The following AVL9 variants were observed in gnomAD, a reference collection of about 807,000 sequenced individuals.
The protein encoded by AVL9 is late secretory pathway protein AVL9 homolog.
Under a neutral mutation model 79.2 loss-of-function variants are expected in AVL9, and 49 were observed. The ratio of observed to expected loss-of-function variants is 0.62; its 90% confidence interval spans 0.49 to 0.79. The LOEUF (loss-of-function observed/expected upper bound fraction) is 0.79. Ranked by LOEUF, AVL9 falls within the 30% of genes least tolerant of loss-of-function variation. The probability of loss-of-function intolerance (pLI) is 0.00; values close to 1 mark genes in which losing one functional copy is unlikely to be tolerated. For synonymous variants in AVL9, 299 were observed against 280.6 expected, an observed-to-expected ratio of 1.07 and a Z score of -0.65; for missense variants, 682 against 776.8, an observed-to-expected ratio of 0.88 and a Z score of 1.45.
intron 1 of AVL9, among the ~76,000 whole-genome samples, chr7:32,515,853 C>T (rs1787882085): frequency 6.6e-6 from 1 of 152,028 alleles, no homozygotes; most frequent in South Asian, 2.1e-4. Context: ...AACAAGGCCT[C>T]TCTGAATTAG....
chr7:32,499,286 T>C (rs1787011359), intron 1 of AVL9, among the ~76,000 whole-genome samples: 1 of 152,094 alleles, frequency 6.6e-6, no homozygotes, highest in South Asian at 2.1e-4. Flanking sequence ...TTTGTTCCAA[T>C]ATATAAATTA....
chr7:32,507,788 A>C (rs1201585728), intron 1 of AVL9, among the ~76,000 whole-genome samples: 3 of 152,222 alleles, frequency 2.0e-5, no homozygotes, highest in Non-Finnish European at 4.4e-5. Flanking sequence ...ATTATAGGGA[A>C]TACCTGTCTT....
At chr7:32,576,659 G>T (rs540647288) in intron 13 of AVL9, among the ~76,000 whole-genome samples, 1 of 152,058 alleles carries the variant, frequency 6.6e-6, no homozygotes, top group Non-Finnish European at 1.5e-5. Context: ...GGTAGTGGGC[G>T]CCTGTAATCC....
intron 4 of AVL9, 40 bp downstream of exon 4, chr7:32,548,958 A>T: frequency 7.5e-7 from 1 of 1,339,464 alleles, no homozygotes. Context: ...TTAAACCTTC[A>T]TGGCAGATCT....
At position 32,587,248 on chromosome 7, in the gene AVL9, AG is replaced by A. The variant is rs1791839603; in HGVS notation, c.*3342del. The A allele has an allele frequency of 6.6e-6, 1 of 152,202 alleles. No individual in the cohort carries two copies. 9.4% of individuals were successfully genotyped at this position (152,202 alleles called of 1,614,324 possible). A position where few individuals can be genotyped will look rare whatever the true frequency, so the allele number is the denominator to read the frequency against. ...ACAAGATGCTTAAAATCTGAATGGA[AG>A]TATTTTGAGAGCAGTATTTCATGTG... On this transcript the variant is annotated 3_prime_UTR_variant, in exon 16 of 16. Transcript: ENST00000318709.
intron 15 of AVL9, chr7:32,581,412 A>C (rs1345152753): frequency 6.6e-6 from 1 of 152,508 alleles, no homozygotes; most frequent in Non-Finnish European, 1.5e-5. Flanking sequence ...AACAGAAAAT[A>C]GGGGAATATT....
At chr7:32,520,522 A>G (rs1788094976) in intron 1 of AVL9, among the ~76,000 whole-genome samples, 1 of 152,308 alleles carries the variant, frequency 6.6e-6, no homozygotes, top group South Asian at 2.1e-4. Context: ...GTCTGTTGTA[A>G]GGTCTATTTG....
chr7:32,584,774 TTGGGGGGGG>T lies in AVL9; in HGVS notation c.*868_*876del, dbSNP rs1562806609. 1 of 590 alleles carries T rather than the reference TTGGGGGGGG, an allele frequency of 1.7e-3. No homozygotes were observed. The highest frequency in any genetic ancestry group is 5.2e-3 in the African/African-American group (1 of 194). The allele number at this position is 590 out of a possible 1,614,324, so 0.0% of individuals were successfully genotyped here. ...GTGCCATCTGTTTCTCTTTTTTTTTTTGGGGGGGGGGGGGGGGCGGGGTCTCACTCTATC... is the reference window on the plus strand; with the variant it reads ...GTGCCATCTGTTTCTCTTTTTTTTTTGGGGGGGGCGGGGTCTCACTCTATC... On this transcript the variant is annotated 3_prime_UTR_variant, in exon 16 of 16. Transcript: ENST00000318709.
intron 1 of AVL9, among the ~76,000 whole-genome samples, chr7:32,522,033 AT>A (rs1477436830): frequency 6.6e-6 from 1 of 152,146 alleles, no homozygotes; most frequent in Non-Finnish European, 1.5e-5. Flanking sequence ...CTCTACCTAG[AT>A]TTCAGATGTA....
intron 1 of AVL9, among the ~76,000 whole-genome samples, chr7:32,514,888 C>A (rs1787842341): frequency 6.6e-6 from 1 of 152,212 alleles, no homozygotes; most frequent in African/African-American, 2.4e-5. Flanking sequence ...AGCTTTATTG[C>A]TCACACAAAG....
chr7:32,506,130 G>A (rs761572673), intron 1 of AVL9, among the ~76,000 whole-genome samples: 1 of 151,636 alleles, frequency 6.6e-6, no homozygotes, highest in Non-Finnish European at 1.5e-5. Context: ...TATAAGCTAG[G>A]CACAAGAGAT....
In AVL9 at chr7:32,564,594, G is replaced by T. The variant is rs145213019; in HGVS notation, c.1215+5130G>T. Among the ~76,000 whole-genome samples the T allele has an allele frequency of 2.0e-3, 302 of 152,300 alleles. 1 individual carries two copies. The highest frequency in any genetic ancestry group is 3.6e-3 in the Non-Finnish European group (246 of 68,038). On this transcript the variant is annotated intron_variant, in intron 10 of 15. Coordinates refer to ENST00000318709, the MANE Select transcript of AVL9 (RefSeq NM_015060.3). The stretch of plus-strand genomic sequence containing the variant: ...AATTATTTCCGGAAGAAAGTCTTCA[G>T]CTTACCAACTTTCTAATCCTCTCTC...
intron 13 of AVL9, among the ~76,000 whole-genome samples, chr7:32,579,978 C>G (rs1791429180): frequency 6.6e-6 from 1 of 151,960 alleles, no homozygotes; most frequent in African/African-American, 2.4e-5. Flanking sequence ...ACACACAAAA[C>G]AGACAACACA....
At chr7:32,541,815 A>G (rs1373807340) in intron 1 of AVL9, among the ~76,000 whole-genome samples, 1 of 151,978 alleles carries the variant, frequency 6.6e-6, no homozygotes, top group Non-Finnish European at 1.5e-5. Context: ...CCTGGGTTCA[A>G]GCAATTCTCC....
chr7:32,501,149 A>T (rs1218518212), intron 1 of AVL9, among the ~76,000 whole-genome samples: 1 of 152,144 alleles, frequency 6.6e-6, no homozygotes, highest in Non-Finnish European at 1.5e-5. Flanking sequence ...ATGGGTTGAT[A>T]TTAGGGGGAT....
At chr7:32,518,803 A>G (rs1319292415) in intron 1 of AVL9, among the ~76,000 whole-genome samples, 4 of 152,334 alleles carry the variant, frequency 2.6e-5, no homozygotes, top group Non-Finnish European at 4.4e-5. Context: ...TTAATTGACT[A>G]TAATGAAATT....
In AVL9 at chr7:32,554,538, AT is replaced by A. The variant is rs762592099; in HGVS notation, c.571-11del. ...CGTGAGTCTCTCATTTCAATACAACATTTTTTTTTCCTTTTGCAGGTCTTAA... is the reference window on the plus strand; with the variant it reads ...CGTGAGTCTCTCATTTCAATACAACATTTTTTTTCCTTTTGCAGGTCTTAA... On this transcript the variant is annotated intron_variant, in intron 7 of 15. Coordinates refer to ENST00000318709, the MANE Select transcript of AVL9 (RefSeq NM_015060.3). 3.0e-4 allele frequency: 447 copies of A among 1,475,270 alleles called. No individual in the cohort carries two copies. The highest frequency in any genetic ancestry group is 7.2e-4 in the Admixed American group (36 of 50,326). The allele number at this position is 1,475,270 out of a possible 1,614,324, so 91.4% of individuals were successfully genotyped here. A position where few individuals can be genotyped will look rare whatever the true frequency, so the allele number is the denominator to read the frequency against.
chr7:32,552,411 C>A, intron 6 of AVL9, 116 bp downstream of exon 6: 2 of 601,952 alleles, frequency 3.3e-6, no homozygotes, highest in Non-Finnish European at 3.0e-6. Flanking sequence ...CTAAATTCTT[C>A]AACATTTGAT....
rs755615352 is a variant in AVL9, at chr7:32,584,090, G to A, written c.*183G>A. 3 of 652,082 alleles carry A rather than the reference G, an allele frequency of 4.6e-6. No homozygotes were observed. Among genetic ancestry groups the A allele is most frequent in the Middle Eastern group, 3.7e-4 (1 of 2,730 alleles). The allele number at this position is 652,082 out of a possible 1,614,324, so 40.4% of individuals were successfully genotyped here. On this transcript the variant is annotated 3_prime_UTR_variant, in exon 16 of 16. Coordinates refer to ENST00000318709, the MANE Select transcript of AVL9 (RefSeq NM_015060.3). ...ATGATGAAATCACAGCCATAGCAGG[G>A]ATGGCTTTCCAGGTTGGGGTTTCAA...
Sources: allele counts gnomAD v4.1 joint callset (sites outside exome capture counted in the v4.1 genomes callset), GRCh38; gene constraint gnomAD v4.1.1; transcripts MANE v1.5; gene names NCBI Gene and HGNC (gene_info 2026-07-23, HGNC 2026-07-21).